The following FGF14 variants were observed in gnomAD, a reference collection of about 807,000 sequenced individuals.
FGF14 encodes the protein fibroblast growth factor 14, also known as fibroblast growth factor homologous factor 4.
In FGF14, 5 loss-of-function variants were observed where a neutral mutation model predicts 25.5. The ratio of observed to expected loss-of-function variants is 0.20; its 90% CI spans 0.10 to 0.41. The LOEUF (loss-of-function observed/expected upper bound fraction) is 0.41. Among genes scored for constraint, FGF14 ranks in the 10% least tolerant of loss-of-function variants. The probability of loss-of-function intolerance (pLI) is 1.00; values close to 1 mark genes in which losing one functional copy is unlikely to be tolerated. For synonymous variants in FGF14, 138 were observed against 118.3 expected (o/e 1.17, Z -1.08); for missense variants, 222 against 320.1 (o/e 0.69, Z 2.34).
chr13:102,068,096 T>C (rs1254914266), intron 1 of FGF14, among the ~76,000 whole-genome samples: 3 of 152,168 alleles, frequency 2.0e-5, no homozygotes, highest in African/African-American at 7.2e-5. Context: ...ATAAAGACTT[T>C]GCAGACAAAC....
intron 1 of FGF14, among the ~76,000 whole-genome samples, chr13:102,108,877 A>T (rs2045067656): frequency 6.6e-6 from 1 of 152,234 alleles, no homozygotes; most frequent in Non-Finnish European, 1.5e-5. Context: ...GTTTCAACTT[A>T]ACACATATTG....
intron 1 of FGF14, among the ~76,000 whole-genome samples, chr13:102,020,557 A>G (rs1010498444): frequency 1.4e-5 from 2 of 142,214 alleles, no homozygotes; most frequent in African/African-American, 3.0e-5. Context: ...GAAACAAAGA[A>G]AGAGAGAGAG....
chr13:101,919,692 C>T (rs889740006), upstream of FGF14, among the ~76,000 whole-genome samples: 2 of 152,054 alleles, frequency 1.3e-5, no homozygotes, highest in African/African-American at 4.8e-5. Flanking sequence ...TGGAGAAAAG[C>T]GCTGGCTGTG....
intron 3 of FGF14, among the ~76,000 whole-genome samples, chr13:101,793,493 G>A (rs9518551): frequency 0.42 from 63,724 of 151,944 alleles, 13,948 homozygotes; most frequent in East Asian, 0.82. Flanking sequence ...TGGACACTTC[G>A]ACTGATTCCA....
At chr13:102,161,570 A>AGAAGAAGAAGAAGAAGAAGAAG (rs1555369390) in intron 1 of FGF14, among the ~76,000 whole-genome samples, 2 of 5,652 alleles carry the variant, frequency 3.5e-4, no homozygotes, top group Admixed American at 3.9e-3. Flanking sequence ...TTCTGTGAAG[A>AGAAGAAGAAGAAGAAGAAGAAG]AAGAAAGAAG....
chr13:101,759,939 T>TA (rs1052682610), intron 3 of FGF14, among the ~76,000 whole-genome samples: 2 of 152,108 alleles, frequency 1.3e-5, no homozygotes, highest in Non-Finnish European at 2.9e-5. Context: ...TAGTGGCAGC[T>TA]AAAAAACCTA....
chr13:102,346,782 G>A (rs1001976257), intron 1 of FGF14, among the ~76,000 whole-genome samples: 1 of 152,044 alleles, frequency 6.6e-6, no homozygotes, highest in African/African-American at 2.4e-5. Flanking sequence ...AGTTTTTATA[G>A]TGATCATGTA....
At chr13:101,740,115 G>GT (rs2036446696) in intron 3 of FGF14, among the ~76,000 whole-genome samples, 1 of 152,180 alleles carries the variant, frequency 6.6e-6, no homozygotes, top group Admixed American at 6.5e-5. Flanking sequence ...CTTTAGTGTT[G>GT]TGAGCCCTTC....
At chr13:102,050,295 C>T (rs1414492622) in intron 1 of FGF14, among the ~76,000 whole-genome samples, 1 of 152,086 alleles carries the variant, frequency 6.6e-6, no homozygotes, top group African/African-American at 2.4e-5. Context: ...GTATCTTATA[C>T]ATAAAACCAC....
At chr13:101,818,102 T>C (rs1057468379) in intron 3 of FGF14, among the ~76,000 whole-genome samples, 7 of 152,198 alleles carry the variant, frequency 4.6e-5, no homozygotes, top group African/African-American at 1.7e-4. Context: ...GACTTGGAGA[T>C]GTTCTAACAG....
chr13:101,902,561 A>AT (rs548759889), intron 1 of FGF14, among the ~76,000 whole-genome samples: 66 of 152,354 alleles, frequency 4.3e-4, no homozygotes, highest in African/African-American at 1.5e-3. Context: ...CCAAGCCACT[A>AT]TTAACTCATA....
rs1209543693 is a variant in FGF14, at chr13:101,720,100, A to G, written c.*2731T>C. On this transcript the variant is annotated 3_prime_UTR_variant, in exon 5 of 5. Coordinates refer to ENST00000376143, the MANE Select transcript of FGF14 (RefSeq NM_004115.4). ...TTCAATATGTTGTATTTGTGAATTT[A>G]ACAAATGATATTAAACACAAACTAC... The G allele has an allele frequency of 6.6e-6, 1 of 152,126 alleles. No individual in the cohort carries two copies. The highest frequency in any genetic ancestry group is 2.4e-5 in the African/African-American group (1 of 41,444). The allele number at this position is 152,126 out of a possible 1,614,324, so 9.4% of individuals were successfully genotyped here.
At chr13:102,290,184 G>A (rs747767573) in intron 1 of FGF14, among the ~76,000 whole-genome samples, 15 of 152,014 alleles carry the variant, frequency 9.9e-5, no homozygotes, top group South Asian at 2.1e-4. Context: ...AGATTTTTGG[G>A]AGGTGCTTAG....
chr13:102,038,812 TTTTA>T (rs1400882523), intron 1 of FGF14, among the ~76,000 whole-genome samples: 11 of 152,120 alleles, frequency 7.2e-5, no homozygotes, highest in African/African-American at 2.2e-4. Context: ...TATATTGAAA[TTTTA>T]TTTATTAATA....
intron 3 of FGF14, among the ~76,000 whole-genome samples, chr13:101,757,860 G>A (rs2037763695): frequency 6.6e-6 from 1 of 152,180 alleles, no homozygotes; most frequent in Admixed American, 6.6e-5. Flanking sequence ...TCATGTTAAA[G>A]TCATTGTGAA....
At chr13:102,328,247 T>C (rs1270331500) in intron 1 of FGF14, among the ~76,000 whole-genome samples, 1 of 152,242 alleles carries the variant, frequency 6.6e-6, no homozygotes. Context: ...AGTACATTTA[T>C]TATTTAATCG....
chr13:101,920,909 CTA>C (rs1266153502), upstream of FGF14, among the ~76,000 whole-genome samples: 1 of 152,074 alleles, frequency 6.6e-6, no homozygotes, highest in African/African-American at 2.4e-5. Flanking sequence ...TCTAAAAACA[CTA>C]AAATACTATA....
At chr13:102,033,420 C>G (rs575819946) in intron 1 of FGF14, among the ~76,000 whole-genome samples, 2 of 152,074 alleles carry the variant, frequency 1.3e-5, no homozygotes, top group African/African-American at 4.8e-5. Flanking sequence ...GAAAAAGAAG[C>G]GTTCTATATT....
chr13:102,112,887 C>T (rs1187571422), intron 1 of FGF14, among the ~76,000 whole-genome samples: 2 of 152,156 alleles, frequency 1.3e-5, no homozygotes, highest in Non-Finnish European at 2.9e-5. Flanking sequence ...AGACTGAAGT[C>T]TTCCAAGTTT....
Sources: allele counts gnomAD v4.1 joint callset (sites outside exome capture counted in the v4.1 genomes callset), GRCh38; gene constraint gnomAD v4.1.1; transcripts MANE v1.5; gene names NCBI Gene and HGNC (gene_info 2026-07-23, HGNC 2026-07-21).